TBCB: variants seen among roughly 807,000 people sequenced by gnomAD.
The protein encoded by TBCB is tubulin folding cofactor B.
Under a neutral mutation model 29.2 loss-of-function variants are expected in TBCB, and 18 were observed. The observed-to-expected ratio is 0.62, with a 90% CI of 0.43 to 0.91. TBCB has a LOEUF of 0.91. Ranked by LOEUF, TBCB falls within the 40% of genes least tolerant of loss-of-function variation. TBCB has a pLI of 0.00. For missense variants in TBCB, 336 were observed against 337.6 expected (o/e 1.00, Z 0.04); for synonymous variants, 172 against 137.8 (o/e 1.25, Z -1.74).
In TBCB at chr19:36,116,057, T is replaced by C; in HGVS notation, c.131T>C (p.Leu44Pro). 6.2e-7 allele frequency: 1 copy of C among 1,614,122 alleles called. No individual in the cohort carries two copies. Among genetic ancestry groups the C allele is most frequent in the Non-Finnish European group, 8.5e-7 (1 of 1,179,972 alleles). Residue 44 changes from leucine to proline, a missense_variant, in exon 2 of 6, where the codon CTG (leucine) becomes CCG (proline). Transcript: ENST00000221855. ...TCCTCACAGTGTAAACTGGAGTTGC[T>C]GGTGGGCAGCCCTGCTTCCTGCATG... ...IAEFKCKLEL[L>P]VGSPASCMEL...
chr19:36,120,976 C>T (rs1251658642), intron 3 of TBCB, among the ~76,000 whole-genome samples, 170 bp downstream of exon 3: 1 of 144,566 alleles, frequency 6.9e-6, no homozygotes, highest in Non-Finnish European at 1.5e-5. Context: ...AGACGGAGGC[C>T]TGGGGTGGGA....
At chr19:36,114,982 C>A, upstream of TBCB, 4 of 951,932 alleles carry the variant, frequency 4.2e-6, no homozygotes, top group South Asian at 4.4e-5. This position sits in a 1 kb window ranked among gnomAD's most constrained non-coding sequence, Gnocchi z 4.5. Context: ...CGTGCTGGCT[C>A]CCCGCCGCCT....
chr19:36,120,649 C>G, intron 2 of TBCB, 61 bp from the exon 3 acceptor site: 1 of 1,491,392 alleles, frequency 6.7e-7, no homozygotes, highest in African/African-American at 1.4e-5. Context: ...AGTCCCTGCA[C>G]CCAGCACCCA....
chr19:36,116,273 C>T (rs1973953112), intron 2 of TBCB, 89 bp downstream of exon 2: 1 of 1,541,030 alleles, frequency 6.5e-7, no homozygotes, highest in Non-Finnish European at 8.8e-7. Context: ...CTCAGTCATA[C>T]CCGAGATAGG....
upstream of TBCB, chr19:36,115,184 C>T (rs924958451): frequency 1.8e-6 from 1 of 547,484 alleles, no homozygotes. Context: ...AGCCAAGGCG[C>T]TTGGCTTGGT....
Position 36,116,163 on chromosome 19 carries a change from A to T in TBCB, c.237A>T (p.Val79=), listed in dbSNP as rs924649210. The T allele has an allele frequency of 6.2e-7, 1 of 1,614,036 alleles. No homozygotes were observed. The highest frequency in any genetic ancestry group is 1.3e-5 in the African/African-American group (1 of 74,914). ...QEDALLGSYP[V]DDGCRIHVID... ...ATGCGCTCCTGGGCTCCTACCCTGTAGATGACGGCTGCCGCATCCACGTGA... is the reference window on the plus strand; with the variant it reads ...ATGCGCTCCTGGGCTCCTACCCTGTTGATGACGGCTGCCGCATCCACGTGA... Residue 79 remains valine (V), a synonymous_variant, in exon 2 of 6, where the codon GTA becomes GTT. Coordinates refer to ENST00000221855, the MANE Select transcript of TBCB (RefSeq NM_001281.3).
intron 4 of TBCB, among the ~76,000 whole-genome samples, chr19:36,124,745 G>T (rs890081392): frequency 6.6e-6 from 1 of 151,972 alleles, no homozygotes. Flanking sequence ...GGGCTTCACC[G>T]TGTTAGCCAG....
chr19:36,118,465 T>A (rs1397096218), intron 2 of TBCB: 1 of 151,786 alleles, frequency 6.6e-6, no homozygotes, highest in Admixed American at 6.6e-5. Flanking sequence ...GAGGCTGAGG[T>A]GGACAGATCA....
In TBCB at chr19:36,123,768, G is replaced by A. The variant is rs530087123; in HGVS notation, c.548-1683G>A. ...CGGGTGCCTGTGATCGCAGCTACCC[G>A]GAAGGCTGAGGCAGGAGAATCGCTT... On this transcript the variant is annotated intron_variant, in intron 4 of 5. Transcript: ENST00000221855. Among the ~76,000 whole-genome samples, 31 of 152,286 alleles carry A rather than the reference G, an allele frequency of 2.0e-4. No homozygotes were observed. In the South Asian group the frequency reaches 6.0e-3, roughly 30 times the overall value.
intron 2 of TBCB, among the ~76,000 whole-genome samples, chr19:36,118,954 G>A (rs753346359): frequency 6.6e-6 from 1 of 152,184 alleles, no homozygotes; most frequent in Non-Finnish European, 1.5e-5. Flanking sequence ...ATGAGGGGAC[G>A]AGGTCTGGAG....
At chr19:36,122,047 G>A in intron 4 of TBCB, 1 of 432,078 alleles carries the variant, frequency 2.3e-6, no homozygotes, top group Non-Finnish European at 4.2e-6. Context: ...AGGCAGGAGT[G>A]AGGGAACACA....
Position 36,120,746 on chromosome 19 carries a change from G to A in TBCB, c.295G>A (p.Glu99Lys), listed in dbSNP as rs1440675707. The change falls in exon 3 of 6, where the codon GAG becomes AAG. Residue 99 changes from glutamate (E) to lysine (K), a missense_variant. By Grantham distance (56) the Glu-to-Lys change is moderately conservative. Coordinates refer to ENST00000221855, the MANE Select transcript of TBCB (RefSeq NM_001281.3). ...CAGTGGCGCCCGCCTTGGTGAGTAT[G>A]AGGACGTGTCCCGGGTGGAGAAGTA... The part of the protein sequence containing the change: ...DHSGARLGEY[E>K]DVSRVEKYTI... 1.9e-6 allele frequency: 3 copies of A among 1,614,110 alleles called. No homozygotes were observed.
chr19:36,121,721 G>A lies in TBCB; in HGVS notation c.547+3G>A. 2 of 1,549,066 alleles carry A rather than the reference G, an allele frequency of 1.3e-6. No individual in the cohort carries two copies. The highest frequency in any genetic ancestry group is 1.7e-6 in the Non-Finnish European group (2 of 1,147,334). On this transcript the variant is annotated splice_donor_region_variant and intron_variant, in intron 4 of 5. Coordinates refer to ENST00000221855, the MANE Select transcript of TBCB (RefSeq NM_001281.3). ...CCGGGGCACCGTCATGTATGTAGGTGCGTGGCTCGCGGGCCCGGTCCCGGG... is the reference window on the plus strand; with the variant it reads ...CCGGGGCACCGTCATGTATGTAGGTACGTGGCTCGCGGGCCCGGTCCCGGG...
In TBCB at chr19:36,116,320, G is replaced by C. The variant is rs539075422; in HGVS notation, c.258+136G>C. On this transcript the variant is annotated intron_variant, in intron 2 of 5. Coordinates refer to ENST00000221855, the MANE Select transcript of TBCB (RefSeq NM_001281.3). ...TGGAGCCTCCAGTGCAGCCTGACGA[G>C]AGACAGACCCATCATTAGACAGGGA... The C allele has an allele frequency of 2.8e-5, 33 of 1,180,530 alleles. No individual in the cohort carries two copies. In the South Asian group the frequency reaches 4.5e-4, roughly 16 times the overall value. 73.1% of individuals were successfully genotyped at this position (1,180,530 alleles called of 1,614,324 possible).
intron 2 of TBCB, chr19:36,120,417 G>A: frequency 2.3e-6 from 1 of 432,626 alleles, no homozygotes; most frequent in Non-Finnish European, 4.3e-6. Flanking sequence ...CCTGAGCTCT[G>A]CCGGTTGGAC....
Position 36,116,021 on chromosome 19 carries a change from A to G in TBCB, c.115-20A>G. On this transcript the variant is annotated intron_variant, in intron 1 of 5. Coordinates refer to ENST00000221855, the MANE Select transcript of TBCB (RefSeq NM_001281.3). ...GGGCCTCCGTGGCCTCCTTCTTCTC[A>G]CCCTGCCTCCTCCTCACAGTGTAAA... The G allele has an allele frequency of 1.2e-6, 2 of 1,608,444 alleles. No individual in the cohort carries two copies. The highest frequency in any genetic ancestry group is 1.7e-6 in the Non-Finnish European group (2 of 1,175,726).
intron 4 of TBCB, among the ~76,000 whole-genome samples, chr19:36,122,754 C>CAAA (rs200939642): frequency 1.6e-5 from 1 of 62,790 alleles, no homozygotes; most frequent in Non-Finnish European, 3.7e-5. Flanking sequence ...ACCCTGTCTC[C>CAAA]AAAAAAAAAA....
At chr19:36,120,844 A>G (rs1475176386) in intron 3 of TBCB, 38 bp downstream of exon 3, 6 of 1,601,824 alleles carry the variant, frequency 3.7e-6, no homozygotes, top group Non-Finnish European at 5.1e-6. Context: ...CGTGGGGGCC[A>G]GAGGGAGTAT....
At chr19:36,117,252 T>C (rs188936111) in intron 2 of TBCB, among the ~76,000 whole-genome samples, 1 of 152,212 alleles carries the variant, frequency 6.6e-6, no homozygotes, top group Non-Finnish European at 1.5e-5. Flanking sequence ...TCGAGTGCCC[T>C]GAGGGTGGAA....
Sources: allele counts gnomAD v4.1 joint callset (sites outside exome capture counted in the v4.1 genomes callset), GRCh38; gene constraint gnomAD v4.1.1; non-coding constraint Gnocchi (gnomAD v3.1); transcripts MANE v1.5; gene names NCBI Gene and HGNC (gene_info 2026-07-23, HGNC 2026-07-21).